ARFGEF2: variants seen among roughly 807,000 people sequenced by gnomAD.
ARFGEF2 encodes the protein ARF guanine nucleotide exchange factor 2, also known as brefeldin A-inhibited guanine nucleotide-exchange protein 2.
In ARFGEF2, 74 loss-of-function variants were observed where a neutral mutation model predicts 219.9. The observed-to-expected ratio is 0.34, with a 90% CI of 0.28 to 0.41. The LOEUF (loss-of-function observed/expected upper bound fraction) is 0.41. Ranked by LOEUF, ARFGEF2 falls within the 10% of genes least tolerant of loss-of-function variation. The pLI, the probability that ARFGEF2 is intolerant of heterozygous loss-of-function variation, is 1.00. For synonymous variants in ARFGEF2, 733 were observed against 799.2 expected (o/e 0.92, Z 1.40); for missense variants, 1,743 against 2,218.3 (o/e 0.79, Z 4.30).
chr20:49,013,418 T>A, intron 28 of ARFGEF2, 146 bp from the exon 29 acceptor site: 1 of 979,878 alleles, frequency 1.0e-6, no homozygotes, highest in South Asian at 1.3e-5. Flanking sequence ...ATAATGTCTT[T>A]GTGTAGTCTG....
At chr20:48,981,188 T>C (rs1382364695) in intron 14 of ARFGEF2, among the ~76,000 whole-genome samples, 2 of 152,202 alleles carry the variant, frequency 1.3e-5, no homozygotes, top group Non-Finnish European at 2.9e-5. Flanking sequence ...GGTGACAAAA[T>C]CTCTCAGCAT....
chr20:49,022,936 G>A (rs2091574737), intron 34 of ARFGEF2, 115 bp from the exon 35 acceptor site: 4 of 1,399,198 alleles, frequency 2.9e-6, no homozygotes, highest in Non-Finnish European at 4.0e-6. Flanking sequence ...AGAACGTAGT[G>A]AGACCCCATC....
rs137966831 is a variant in ARFGEF2 at position 48,942,013 on chromosome 20, C to A, written c.276+26C>A. The A allele has an allele frequency of 4.9e-5, 79 of 1,613,612 alleles. No homozygotes were observed. In the African/African-American group the frequency reaches 1.0e-3, roughly 21 times the overall value. On this transcript the variant is annotated intron_variant, in intron 3 of 38. Coordinates refer to ENST00000371917, the MANE Select transcript of ARFGEF2 (RefSeq NM_006420.3). ...GTACCATGTTTAAACTTCGTGTTGT[C>A]AAGGGGGTTCTCTCCAAGCCACAGT...
chr20:49,017,287 G>C lies in ARFGEF2; in HGVS notation c.4354G>C (p.Glu1452Gln). The C allele has an allele frequency of 6.2e-7, 1 of 1,614,030 alleles. No individual in the cohort carries two copies. The highest frequency in any genetic ancestry group is 8.5e-7 in the Non-Finnish European group (1 of 1,179,956). Residue 1452 changes from glutamate to glutamine, a missense_variant, in exon 32 of 39, where the codon GAA (glutamate) becomes CAA (glutamine). Around this residue, in one of 5 missense-constraint regions of ARFGEF2, gnomAD observed 578 missense variants for 664.0 expected, o/e 0.87. Transcript: ENST00000371917. ...QLARSGTNCL[E>Q]NLVISNGEKF... ...GGCGCGATCAGGTACAAATTGCTTAGAAAACTTAGTAATATCCAATGGAGA... is the reference window on the plus strand; with the variant it reads ...GGCGCGATCAGGTACAAATTGCTTACAAAACTTAGTAATATCCAATGGAGA...
At chr20:49,017,463 T>A (rs779654420) in intron 32 of ARFGEF2, 33 bp from the exon 33 acceptor site, 15 of 1,602,010 alleles carry the variant, frequency 9.4e-6, no homozygotes, top group Non-Finnish European at 1.3e-5. Flanking sequence ...GCCTTTCACA[T>A]TGATTATTTT....
intron 6 of ARFGEF2, among the ~76,000 whole-genome samples, chr20:48,958,909 G>C (rs1204577692): frequency 1.3e-5 from 2 of 152,220 alleles, no homozygotes; most frequent in Non-Finnish European, 2.9e-5. Flanking sequence ...GGTGAGGACT[G>C]AGGCAACAGG....
At chr20:49,019,419 C>T (rs991908005) in intron 34 of ARFGEF2, among the ~76,000 whole-genome samples, 2 of 152,132 alleles carry the variant, frequency 1.3e-5, no homozygotes, top group South Asian at 2.1e-4. Flanking sequence ...GGAGCTTTCA[C>T]GTTGTTTTAT....
chr20:48,974,853 C>T lies in ARFGEF2; in HGVS notation c.1753C>T (p.Pro585Ser), dbSNP rs2091251030. The T allele has an allele frequency of 1.2e-6, 2 of 1,613,732 alleles. No individual in the cohort carries two copies. Among genetic ancestry groups the T allele is most frequent in the Non-Finnish European group, 1.7e-6 (2 of 1,179,894 alleles). Residue 585 changes from proline to serine, a missense_variant, in exon 13 of 39, where the codon CCC (proline) becomes TCC (serine). By Grantham distance (74) the Pro-to-Ser change is moderately conservative. Transcript: ENST00000371917. ...VEWSKDLYVNPNHQTSLGQER... is the reference protein window; with the variant it reads ...VEWSKDLYVNSNHQTSLGQER... ...GTGGAGCAAAGACCTGTATGTGAAT[C>T]CCAACCACCAGACCAGCCTCGGTGA...
intron 3 of ARFGEF2, among the ~76,000 whole-genome samples, chr20:48,950,811 A>AAAAAAATAT (rs1176537072): frequency 3.1e-5 from 2 of 64,482 alleles, no homozygotes; most frequent in African/African-American, 7.5e-5. Flanking sequence ...AAAAAAAAAA[A>AAAAAAATAT]ATATATATAT....
Position 48,998,492 on chromosome 20 carries a change from A to G in ARFGEF2, c.3419A>G (p.Asp1140Gly). The change falls in exon 25 of 39, where the codon GAT becomes GGT. Residue 1140 changes from aspartate to glycine, a missense_variant. Coordinates refer to ENST00000371917, the MANE Select transcript of ARFGEF2 (RefSeq NM_006420.3). ...TCTCGAATATGGCATGTGATTGGAG[A>G]TCACTTCAATAAGGTAACTCTTCAA... Reference protein sequence around the residue: ...QWSRIWHVIGDHFNKVGCNPN... With the variant: ...QWSRIWHVIGGHFNKVGCNPN... 1.2e-6 allele frequency: 2 copies of G among 1,613,750 alleles called. No individual in the cohort carries two copies. Among genetic ancestry groups the G allele is most frequent in the Non-Finnish European group, 1.7e-6 (2 of 1,179,942 alleles).
intron 27 of ARFGEF2, 113 bp downstream of exon 27, chr20:49,010,517 T>C (rs889314277): frequency 1.6e-6 from 2 of 1,216,116 alleles, no homozygotes; most frequent in African/African-American, 3.0e-5. Flanking sequence ...TCTACTGTGA[T>C]ATAGTAATGT....
At chr20:48,940,131 C>T (rs1390894561) in intron 1 of ARFGEF2, among the ~76,000 whole-genome samples, 1 of 152,196 alleles carries the variant, frequency 6.6e-6, no homozygotes, top group Non-Finnish European at 1.5e-5. Flanking sequence ...GGAAATAACA[C>T]TATCTCTGAG....
intron 25 of ARFGEF2, 134 bp downstream of exon 25, chr20:48,998,639 G>A: frequency 1.1e-6 from 1 of 876,404 alleles, no homozygotes; most frequent in Non-Finnish European, 1.8e-6. Context: ...TGCAGTCAAG[G>A]ACAGCTTGAT....
At chr20:48,981,880 G>A (rs964526452) in intron 14 of ARFGEF2, among the ~76,000 whole-genome samples, 4 of 152,072 alleles carry the variant, frequency 2.6e-5, no homozygotes, top group Admixed American at 2.6e-4. Context: ...TTAGCCATTC[G>A]TCTAATCTTT....
At chr20:48,991,256 T>A in intron 21 of ARFGEF2, 58 bp downstream of exon 21, 1 of 1,604,236 alleles carries the variant, frequency 6.2e-7, no homozygotes, top group Non-Finnish European at 8.5e-7. Context: ...CTTCCTTTTA[T>A]TCATTGTTGA....
intron 35 of ARFGEF2, 71 bp from the exon 36 acceptor site, chr20:49,025,242 G>T (rs1439409919): frequency 4.6e-5 from 69 of 1,507,080 alleles, no homozygotes; most frequent in Non-Finnish European, 6.2e-5. Context: ...GACTGCCGTT[G>T]TCTGCAATCA....
chr20:48,980,895 C>CT (rs1368048719), intron 14 of ARFGEF2, among the ~76,000 whole-genome samples: 8 of 152,126 alleles, frequency 5.3e-5, no homozygotes, highest in Non-Finnish European at 1.2e-4. Flanking sequence ...TGAGATGGGT[C>CT]TCCTGAATAT....
intron 1 of ARFGEF2, among the ~76,000 whole-genome samples, chr20:48,926,874 A>G (rs772406610): frequency 5.9e-5 from 9 of 152,222 alleles, no homozygotes; most frequent in Non-Finnish European, 1.0e-4. Flanking sequence ...TAGCTGCAGC[A>G]CATGATGTAG....
At chr20:48,973,318 G>T (rs1476015337) in intron 12 of ARFGEF2, 34 bp downstream of exon 12, 1 of 1,611,216 alleles carries the variant, frequency 6.2e-7, no homozygotes, top group East Asian at 2.2e-5. Flanking sequence ...TTATATTAAA[G>T]TTTATTCATT....
Sources: gnomAD v4.1 joint callset for allele counts (sites outside exome capture counted in the v4.1 genomes callset) on GRCh38, gnomAD v4.1.1 for gene constraint, gnomAD v4.1.1 regional missense constraint, MANE v1.5 for transcripts, NCBI Gene and HGNC (gene_info 2026-07-23, HGNC 2026-07-21) for gene names.